MTUS2: variants seen among roughly 807,000 people sequenced by gnomAD.
MTUS2 encodes the protein microtubule associated scaffold protein 2.
Under a neutral mutation model 114.1 loss-of-function variants are expected in MTUS2, and 40 were observed. The observed-to-expected ratio is 0.35, with a 90% CI of 0.27 to 0.46. The LOEUF is 0.46. Among genes scored for constraint, MTUS2 ranks in the 20% least tolerant of loss-of-function variants. MTUS2 has a pLI of 1.00. For synonymous variants in MTUS2, 688 were observed against 672.0 expected (o/e 1.02, Z -0.37); for missense variants, 1,679 against 1,705.4 (o/e 0.98, Z 0.27).
intron 11 of MTUS2, among the ~76,000 whole-genome samples, chr13:29,488,433 T>TC (rs1204716553): frequency 1.4e-5 from 2 of 143,456 alleles, no homozygotes; most frequent in African/African-American, 2.7e-5. Context: ...CTTTTTTTTT[T>TC]CCTCTTTTTT....
chr13:29,108,589 G>T (rs1890762643), intron 5 of MTUS2, among the ~76,000 whole-genome samples: 1 of 152,194 alleles, frequency 6.6e-6, no homozygotes, highest in Non-Finnish European at 1.5e-5. Context: ...GGGCTGCCAT[G>T]ACCTGGACAA....
intron 3 of MTUS2, among the ~76,000 whole-genome samples, chr13:29,029,511 T>C (rs1886716053): frequency 6.6e-6 from 1 of 152,206 alleles, no homozygotes; most frequent in South Asian, 2.1e-4. Flanking sequence ...CTCTGAAGCT[T>C]TGCTCTTCTA....
chr13:29,428,395 C>G (rs1229656613), intron 8 of MTUS2, among the ~76,000 whole-genome samples: 1 of 152,274 alleles, frequency 6.6e-6, no homozygotes, highest in Non-Finnish European at 1.5e-5. Context: ...TGCGTCCGCT[C>G]CAGGCGTGTC....
intron 8 of MTUS2, among the ~76,000 whole-genome samples, chr13:29,416,900 C>T (rs960778799): frequency 6.6e-6 from 1 of 152,144 alleles, no homozygotes; most frequent in Non-Finnish European, 1.5e-5. Flanking sequence ...GAGTTGCTAT[C>T]TCTGGGTTAA....
intron 4 of MTUS2, among the ~76,000 whole-genome samples, chr13:29,038,162 G>T (rs555778589): frequency 2.0e-4 from 30 of 152,252 alleles, no homozygotes; most frequent in African/African-American, 6.7e-4. Flanking sequence ...ATCTACCTTT[G>T]TTATTTGATG....
chr13:29,065,396 T>A (rs1242993717), intron 4 of MTUS2, among the ~76,000 whole-genome samples: 1 of 152,208 alleles, frequency 6.6e-6, no homozygotes, highest in Admixed American at 6.5e-5. Flanking sequence ...TTGAGCTTTT[T>A]TTTCATAGCT....
At chr13:28,873,523 A>T (rs1877748902) in intron 2 of MTUS2, among the ~76,000 whole-genome samples, 1 of 152,242 alleles carries the variant, frequency 6.6e-6, no homozygotes, top group Non-Finnish European at 1.5e-5. Flanking sequence ...CAACATATAA[A>T]ATTAGTTCCC....
chr13:29,133,692 C>T (rs2138969113), intron 5 of MTUS2, among the ~76,000 whole-genome samples: 1 of 152,256 alleles, frequency 6.6e-6, no homozygotes, highest in Non-Finnish European at 1.5e-5. Context: ...ATTATTTATT[C>T]TACTTCATGA....
At chr13:29,052,826 C>A (rs1887965220) in intron 4 of MTUS2, among the ~76,000 whole-genome samples, 1 of 152,136 alleles carries the variant, frequency 6.6e-6, no homozygotes, top group African/African-American at 2.4e-5. Flanking sequence ...TTCCCATAAT[C>A]CCCATGTGTT....
At chr13:29,315,904 G>A (rs1247973956) in intron 6 of MTUS2, among the ~76,000 whole-genome samples, 1 of 152,168 alleles carries the variant, frequency 6.6e-6, no homozygotes, top group African/African-American at 2.4e-5. Flanking sequence ...AGAAGGATAT[G>A]TGAATTTCAG....
At chr13:29,450,160 C>T (rs1013510913) in intron 9 of MTUS2, among the ~76,000 whole-genome samples, 2 of 152,116 alleles carry the variant, frequency 1.3e-5, no homozygotes, top group African/African-American at 4.8e-5. Context: ...GGGGAAGTGT[C>T]CAGGAACTGC....
chr13:29,310,238 G>A (rs917429592), intron 6 of MTUS2, among the ~76,000 whole-genome samples: 2 of 152,172 alleles, frequency 1.3e-5, no homozygotes, highest in African/African-American at 4.8e-5. Flanking sequence ...GGAAACAAAT[G>A]CTCAGAGAGT....
At chr13:29,326,816 G>A (rs9508358) in intron 7 of MTUS2, among the ~76,000 whole-genome samples, 122,789 of 151,772 alleles carry the variant, frequency 0.81, 50,565 homozygotes, top group East Asian at 0.91. Context: ...CCCTGTCTCT[G>A]CTAAAATACA....
At chr13:29,163,612 A>G (rs1404602720) in intron 5 of MTUS2, among the ~76,000 whole-genome samples, 1 of 152,100 alleles carries the variant, frequency 6.6e-6, no homozygotes, top group Non-Finnish European at 1.5e-5. Flanking sequence ...ATGAATGGTT[A>G]GGTGGTTGTT....
rs763912686 is a variant in MTUS2 at position 29,147,541 on chromosome 13, AC to A, written c.2644+46572del. 5.9e-4 allele frequency among the ~76,000 whole-genome samples: 89 copies of A among 152,074 alleles called. 1 individual carries two copies. The highest frequency in any genetic ancestry group is 6.6e-4 in the Admixed American group (10 of 15,264). On this transcript the variant is annotated intron_variant, in intron 5 of 15. Coordinates refer to ENST00000612955, the MANE Select transcript of MTUS2 (RefSeq NM_001033602.4). Reference sequence around the variant, plus strand: ...GTTTGATTGATCTTGTCCCCTAGGTACTAAGTTTAGTACCCAATAGGTAGTT... The same window carrying A: ...GTTTGATTGATCTTGTCCCCTAGGTATAAGTTTAGTACCCAATAGGTAGTT...
At chr13:29,236,673 G>A (rs541152858) in intron 5 of MTUS2, among the ~76,000 whole-genome samples, 23 of 152,350 alleles carry the variant, frequency 1.5e-4, no homozygotes, top group African/African-American at 4.8e-4. Context: ...AGCTGTTAGT[G>A]CAGAATGTCT....
At chr13:28,828,591 G>T (rs981608986) in intron 1 of MTUS2, among the ~76,000 whole-genome samples, 28 of 152,100 alleles carry the variant, frequency 1.8e-4, no homozygotes, top group Non-Finnish European at 3.1e-4. Context: ...TACAATTTAT[G>T]TTCTTCTGCC....
chr13:29,175,614 T>C (rs1163372800), intron 5 of MTUS2, among the ~76,000 whole-genome samples: 1 of 152,216 alleles, frequency 6.6e-6, no homozygotes, highest in Non-Finnish European at 1.5e-5. Context: ...TCCAGTGTTT[T>C]GTTAGATTGC....
chr13:28,900,779 G>A lies in MTUS2; in HGVS notation c.-243+60929G>A, dbSNP rs532286241. Among the ~76,000 whole-genome samples the A allele has an allele frequency of 2.1e-4, 32 of 152,314 alleles. No homozygotes were observed. The South Asian group carries it at 6.2e-3, about 30-fold the overall frequency. ...GGCATAACAAAGCACTACAAACTAG[G>A]TTAGACAACAGACATTTAGGAGTTC... On this transcript the variant is annotated intron_variant, in intron 2 of 15. Coordinates refer to ENST00000612955, the MANE Select transcript of MTUS2 (RefSeq NM_001033602.4).
Sources: gnomAD v4.1 joint callset for allele counts (sites outside exome capture counted in the v4.1 genomes callset) on GRCh38, gnomAD v4.1.1 for gene constraint, MANE v1.5 for transcripts, NCBI Gene and HGNC (gene_info 2026-07-23, HGNC 2026-07-21) for gene names.